SGF29: variants seen among roughly 807,000 people sequenced by gnomAD.
SGF29 encodes SAGA-associated factor 29.
In SGF29, 15 loss-of-function variants were observed where a neutral mutation model predicts 38.1. The observed-to-expected ratio is 0.39, with a 90% CI of 0.26 to 0.61. The LOEUF is 0.61. Among genes scored for constraint, SGF29 ranks in the 20% least tolerant of loss-of-function variants. SGF29 has a pLI of 0.49. For missense variants in SGF29, 184 were observed against 394.6 expected (o/e 0.47, Z 4.52); for synonymous variants, 151 against 160.8 (o/e 0.94, Z 0.46).
chr16:28,565,149 G>T (rs903120713), intron 1 of SGF29, among the ~76,000 whole-genome samples: 2 of 152,098 alleles, frequency 1.3e-5, no homozygotes, highest in African/African-American at 4.8e-5. Context: ...CCCTTCTTCC[G>T]CCTGCTTTGT....
At chr16:28,589,062 T>G in intron 4 of SGF29, 38 bp from the exon 5 acceptor site, 3 of 1,612,074 alleles carry the variant, frequency 1.9e-6, no homozygotes, top group Non-Finnish European at 2.5e-6. Context: ...GCTATGTACG[T>G]TAACCAAACC....
At chr16:28,572,584 A>T (rs937931344) in intron 1 of SGF29, among the ~76,000 whole-genome samples, 8 of 152,178 alleles carry the variant, frequency 5.3e-5, no homozygotes, top group Non-Finnish European at 1.5e-5. Flanking sequence ...CCAGTTTCTA[A>T]AGGCGTGTTG....
chr16:28,586,165 G>A (rs2046955097), intron 4 of SGF29, among the ~76,000 whole-genome samples: 1 of 152,122 alleles, frequency 6.6e-6, no homozygotes, highest in Non-Finnish European at 1.5e-5. Flanking sequence ...GCATGTGTCT[G>A]TAAGCTTGGC....
intron 1 of SGF29, among the ~76,000 whole-genome samples, chr16:28,564,173 C>T (rs1031872500): frequency 6.6e-6 from 1 of 152,020 alleles, no homozygotes; most frequent in Non-Finnish European, 1.5e-5. Context: ...GCCAGCTGTG[C>T]AGCAATGCTG....
intron 1 of SGF29, among the ~76,000 whole-genome samples, chr16:28,577,292 A>G (rs1159450657): frequency 6.6e-6 from 1 of 151,850 alleles, no homozygotes; most frequent in African/African-American, 2.4e-5. Flanking sequence ...ATTGGTTTTT[A>G]GTATATTCAG....
intron 1 of SGF29, among the ~76,000 whole-genome samples, chr16:28,578,420 A>G (rs1266944495): frequency 6.6e-6 from 1 of 152,076 alleles, no homozygotes; most frequent in African/African-American, 2.4e-5. Context: ...TTCCTGACTT[A>G]GGGGAAAGCT....
intron 1 of SGF29, among the ~76,000 whole-genome samples, chr16:28,580,460 G>A (rs1300549227): frequency 2.0e-5 from 3 of 152,150 alleles, no homozygotes; most frequent in African/African-American, 7.2e-5. Context: ...ATCTCTCCCG[G>A]CTGGATGGGT....
At chr16:28,585,028 G>A (rs775056711) in intron 3 of SGF29, 40 bp downstream of exon 3, 2 of 1,525,214 alleles carry the variant, frequency 1.3e-6, no homozygotes, top group East Asian at 2.3e-5. Flanking sequence ...GATGAGATGG[G>A]GCTAGGGTGA....
rs1231101170 is a variant in SGF29, at chr16:28,579,016, G to T, written c.-15-2039G>T. Among the ~76,000 whole-genome samples, 4 of 152,182 alleles carry T rather than the reference G, an allele frequency of 2.6e-5. No homozygotes were observed. In the South Asian group the frequency reaches 6.2e-4, roughly 24 times the overall value. ...TGTCCAGGCTGATCTCGAGCTCCTG[G>T]ACTCAAACCATCCTCCTACCTTCGC... On this transcript the variant is annotated intron_variant, in intron 1 of 9. Transcript: ENST00000317058.
intron 1 of SGF29, among the ~76,000 whole-genome samples, chr16:28,568,454 A>G (rs1216405848): frequency 6.6e-6 from 1 of 152,074 alleles, no homozygotes; most frequent in East Asian, 1.9e-4. Context: ...ATGACATTGT[A>G]TAGCTACTTT....
At chr16:28,563,715 C>CT (rs11445174) in intron 1 of SGF29, among the ~76,000 whole-genome samples, 19,935 of 81,002 alleles carry the variant, frequency 0.25, 4,415 homozygotes, top group Non-Finnish European at 0.34. Flanking sequence ...GAGAAACAGA[C>CT]TTTTTTTTTT....
intron 1 of SGF29, among the ~76,000 whole-genome samples, chr16:28,556,479 C>G (rs2046752265): frequency 6.6e-6 from 1 of 152,304 alleles, no homozygotes; most frequent in East Asian, 1.9e-4. Flanking sequence ...TTCCAAGTAG[C>G]TGTGATTACA....
chr16:28,591,424 G>C (rs191296610), intron 9 of SGF29, among the ~76,000 whole-genome samples, 166 bp from the exon 10 acceptor site: 1 of 152,342 alleles, frequency 6.6e-6, no homozygotes, highest in East Asian at 1.9e-4. Flanking sequence ...AAAGAGCTCT[G>C]TAGCAGCAGG....
intron 1 of SGF29, among the ~76,000 whole-genome samples, chr16:28,563,313 A>G (rs2046800943): frequency 6.6e-6 from 1 of 152,208 alleles, no homozygotes; most frequent in African/African-American, 2.4e-5. Flanking sequence ...CAGTGGGCAC[A>G]GTTAGATGGT....
rs368364512 is a variant in SGF29 at position 28,578,331 on chromosome 16, C to T, written c.-15-2724C>T. Among the ~76,000 whole-genome samples the T allele has an allele frequency of 1.9e-3, 292 of 152,102 alleles. 13 individuals are homozygous for T. The South Asian group carries it at 0.059, about 31-fold the overall frequency. On this transcript the variant is annotated intron_variant, in intron 1 of 9. Transcript: ENST00000317058. ...TTTCCAATGTGGATGCCTTTTATTT[C>T]ATCTTATTGCCTCATTGCCCTGGCG...
rs780806116 is a variant in SGF29 at position 28,564,786 on chromosome 16, T to TAC, written c.-16+10709_-16+10710dup. 2.4e-4 allele frequency among the ~76,000 whole-genome samples: 27 copies of TAC among 110,360 alleles called. 1 individual carries two copies. The highest frequency in any genetic ancestry group is 1.4e-3 in the Admixed American group (13 of 9,384). The allele number at this position is 110,360 out of a possible 152,430, so 72.4% of individuals were successfully genotyped here. On this transcript the variant is annotated intron_variant, in intron 1 of 9. Transcript: ENST00000317058. ...ATGTATATATATGTATATATATATA[T>TAC]ACACACACACACACACACACAAACA...
chr16:28,577,457 C>T (rs568084452), intron 1 of SGF29, among the ~76,000 whole-genome samples: 1 of 152,180 alleles, frequency 6.6e-6, no homozygotes, highest in African/African-American at 2.4e-5. Flanking sequence ...GGATATTTCA[C>T]GTAAATGGAA....
intron 3 of SGF29, 24 bp from the exon 4 acceptor site, chr16:28,585,624 C>T (rs759736588): frequency 6.2e-7 from 1 of 1,611,152 alleles, no homozygotes. Context: ...GCCCTGCCTC[C>T]TTATCCCTGT....
chr16:28,569,217 A>T (rs2046850872), intron 1 of SGF29, among the ~76,000 whole-genome samples: 1 of 152,248 alleles, frequency 6.6e-6, no homozygotes, highest in Non-Finnish European at 1.5e-5. Context: ...GAAGTCACTG[A>T]ACAAAGTGGT....
Sources: allele counts gnomAD v4.1 joint callset (sites outside exome capture counted in the v4.1 genomes callset), GRCh38; gene constraint gnomAD v4.1.1; transcripts MANE v1.5; gene names NCBI Gene and HGNC (gene_info 2026-07-23, HGNC 2026-07-21).